The following CUBN variants were observed in gnomAD, a reference collection of about 807,000 sequenced individuals.
The protein encoded by CUBN is cubilin.
CUBN carries 282 observed loss-of-function variants against 405.3 expected under a neutral mutation model. The ratio of observed to expected loss-of-function variants is 0.70; its 90% CI spans 0.63 to 0.77. CUBN has a LOEUF of 0.77. Among genes scored for constraint, CUBN ranks in the 30% least tolerant of loss-of-function variants. The pLI is 0.00. For synonymous variants in CUBN, 1,684 were observed against 1,617.0 expected, an observed-to-expected ratio of 1.04 and a Z score of -0.99; for missense variants, 4,514 against 4,475.2, an observed-to-expected ratio of 1.01 and a Z score of -0.25.
At chr10:16,890,168 C>G (rs1469203082) in intron 55 of CUBN, among the ~76,000 whole-genome samples, 1 of 152,104 alleles carries the variant, frequency 6.6e-6, no homozygotes, top group African/African-American at 2.4e-5. Context: ...GTTAGTGCCC[C>G]TCATGGCTTT....
In CUBN at chr10:16,977,765, A is replaced by G. The variant is rs551477833; in HGVS notation, c.4695+4719T>C. 5.3e-5 allele frequency among the ~76,000 whole-genome samples: 8 copies of G among 152,284 alleles called. No homozygotes were observed. The South Asian group carries it at 1.5e-3, about 28-fold the overall frequency. On this transcript the variant is annotated intron_variant, in intron 31 of 66. Transcript: ENST00000377833. ...TAGGCACCCACCCCTAGATGCTACC[A>G]TGGGGCCCGGAGTCCAGAAGCACTC...
rs752850780 is a variant in CUBN, at chr10:16,925,683, G to A, written c.6363C>T (p.His2121=). The A allele has an allele frequency of 2.7e-5, 43 of 1,613,926 alleles. No individual in the cohort carries two copies. Among genetic ancestry groups the A allele is most frequent in the Admixed American group, 1.8e-4 (11 of 59,970 alleles). The part of the protein sequence containing the change: ...TYPSNLNCSW[H]VLVQSGLTIA... ...TGGTCAGGCCACTTTGGACCAGGAC[G>A]TGCCAAGAACAGTTGAGGTTGGATG... The change falls in exon 42 of 67, where the codon CAC becomes CAT. Residue 2121 remains histidine (H), a synonymous_variant. Coordinates refer to ENST00000377833, the MANE Select transcript of CUBN (RefSeq NM_001081.4).
At chr10:16,881,734 C>T (rs145871017) in intron 56 of CUBN, among the ~76,000 whole-genome samples, 14 of 152,130 alleles carry the variant, frequency 9.2e-5, no homozygotes, top group African/African-American at 3.1e-4. Flanking sequence ...CAAAAGAAAT[C>T]AAACATGTAC....
At position 16,949,987 on chromosome 10, in the gene CUBN, G is replaced by T; in HGVS notation, c.5080+14C>A. On this transcript the variant is annotated intron_variant, in intron 34 of 66. Transcript: ENST00000377833. ...GCCAAGACCACAGATGTAGATGAGTGAACGCTGAGGTACCTCGGAGGGGCG... is the reference window on the plus strand; with the variant it reads ...GCCAAGACCACAGATGTAGATGAGTTAACGCTGAGGTACCTCGGAGGGGCG... 1 of 1,586,596 alleles carries T rather than the reference G, an allele frequency of 6.3e-7. No individual in the cohort carries two copies. The highest frequency in any genetic ancestry group is 1.1e-5 in the South Asian group (1 of 90,280).
At chr10:16,908,923 G>C (rs368035474) in intron 48 of CUBN, among the ~76,000 whole-genome samples, 1,533 of 144,484 alleles carry the variant, frequency 0.011, 21 homozygotes, top group African/African-American at 0.037. Context: ...TCGCCCAGGC[G>C]GGACTGCGGA....
rs1483369204 is a variant in CUBN at position 16,937,774 on chromosome 10, C to G, written c.5744G>C (p.Gly1915Ala). ...CYYDKLRIYDGPSIHARLIGA... is the reference protein window; with the variant it reads ...CYYDKLRIYDAPSIHARLIGA... ...AATTAGGCGGGCGTGAATGCTAGGC[C>G]CATCATAGATCTGTACATAAAAACA... The change falls in exon 39 of 67, where the codon GGG (glycine) becomes GCG (alanine). Residue 1915 changes from glycine (G) to alanine (A), a missense_variant. Gly to Ala is a moderately conservative substitution (Grantham distance 60). Transcript: ENST00000377833. The G allele has an allele frequency of 6.2e-7, 1 of 1,613,506 alleles. No homozygotes were observed. Among genetic ancestry groups the G allele is most frequent in the African/African-American group, 1.3e-5 (1 of 74,772 alleles).
intron 4 of CUBN, among the ~76,000 whole-genome samples, chr10:17,126,535 G>A (rs559006046): frequency 6.6e-6 from 1 of 152,284 alleles, no homozygotes; most frequent in East Asian, 1.9e-4. Flanking sequence ...AGGGTCAGAA[G>A]CCCTAACAGG....
At chr10:16,930,662 GAAGA>G (rs1440409709) in intron 40 of CUBN, among the ~76,000 whole-genome samples, 1 of 152,150 alleles carries the variant, frequency 6.6e-6, no homozygotes, top group Non-Finnish European at 1.5e-5. Context: ...GCGTGGTCTG[GAAGA>G]AACTGATTCA....
At chr10:17,064,986 A>C (rs1835580861) in intron 22 of CUBN, among the ~76,000 whole-genome samples, 1 of 152,194 alleles carries the variant, frequency 6.6e-6, no homozygotes, top group Admixed American at 6.6e-5. Context: ...CTAATTTCTT[A>C]ACATAAGTAT....
At chr10:16,897,322 C>T (rs1049694445) in intron 54 of CUBN, among the ~76,000 whole-genome samples, 3 of 152,108 alleles carry the variant, frequency 2.0e-5, no homozygotes, top group African/African-American at 7.2e-5. Context: ...TACCACGTGC[C>T]TTGCACATTT....
intron 12 of CUBN, 110 bp from the exon 13 acceptor site, chr10:17,103,347 T>C (rs1836542832): frequency 2.7e-6 from 2 of 733,150 alleles, no homozygotes; most frequent in South Asian, 2.9e-5. Context: ...TAATGAAGGT[T>C]GGAGATAAAA....
At chr10:17,108,481 T>C (rs1049395992) in intron 10 of CUBN, among the ~76,000 whole-genome samples, 2 of 152,124 alleles carry the variant, frequency 1.3e-5, no homozygotes, top group Non-Finnish European at 2.9e-5. Flanking sequence ...AGGTGGTATC[T>C]TGAAATAGCA....
intron 27 of CUBN, among the ~76,000 whole-genome samples, chr10:17,028,433 AG>A (rs1834719623): frequency 6.6e-6 from 1 of 151,960 alleles, no homozygotes; most frequent in East Asian, 1.9e-4. Context: ...TATTAAATAA[AG>A]AGCCTGCCGG....
intron 14 of CUBN, among the ~76,000 whole-genome samples, chr10:17,088,611 G>A (rs910832759): frequency 2.6e-5 from 4 of 152,216 alleles, no homozygotes; most frequent in African/African-American, 9.6e-5. Flanking sequence ...AAACAGGGCT[G>A]AACCATCTGA....
rs1436149888 is a variant in CUBN, at chr10:17,016,077, A to C, written c.4168+3756T>G. Among the ~76,000 whole-genome samples the C allele has an allele frequency of 1.3e-5, 2 of 152,084 alleles. 1 individual carries two copies. Among genetic ancestry groups the C allele is most frequent in the East Asian group, 3.9e-4 (2 of 5,170 alleles). Reference sequence around the variant, plus strand: ...AGCCCTCTCCTGATATCTGCAGCTGATTGGGTAATAAACTTATCTTTTAGG... The same window carrying C: ...AGCCCTCTCCTGATATCTGCAGCTGCTTGGGTAATAAACTTATCTTTTAGG... On this transcript the variant is annotated intron_variant, in intron 28 of 66. Transcript: ENST00000377833.
chr10:16,830,578 C>A (rs1838958300), intron 65 of CUBN, among the ~76,000 whole-genome samples: 1 of 152,178 alleles, frequency 6.6e-6, no homozygotes, highest in Admixed American at 6.5e-5. Flanking sequence ...GCGAGAAGCA[C>A]AACTACTCAT....
intron 6 of CUBN, among the ~76,000 whole-genome samples, chr10:17,120,318 C>T (rs991951003): frequency 6.6e-6 from 1 of 152,182 alleles, no homozygotes; most frequent in African/African-American, 2.4e-5. Context: ...AAGTCTCTAA[C>T]ATATGCCTGA....
intron 60 of CUBN, among the ~76,000 whole-genome samples, chr10:16,842,053 T>TC: frequency 6.6e-6 from 1 of 151,696 alleles, no homozygotes; most frequent in South Asian, 2.1e-4. Context: ...ATTTAGCTTT[T>TC]TTTTTTTTTG....
chr10:16,914,265 C>G (rs1016674030), intron 47 of CUBN, among the ~76,000 whole-genome samples: 1 of 151,958 alleles, frequency 6.6e-6, no homozygotes. Context: ...ATGTAATGAA[C>G]TTAAGAATCA....
Sources: allele counts gnomAD v4.1 joint callset (sites outside exome capture counted in the v4.1 genomes callset), GRCh38; gene constraint gnomAD v4.1.1; transcripts MANE v1.5; gene names NCBI Gene and HGNC (gene_info 2026-07-23, HGNC 2026-07-21).